APPBP2: variants seen among roughly 807,000 people sequenced by gnomAD.
APPBP2 encodes the protein amyloid protein-binding protein 2.
APPBP2 carries 15 observed loss-of-function variants against 76.0 expected under a neutral mutation model. The observed-to-expected ratio is 0.20, with a 90% CI of 0.13 to 0.30. The LOEUF is 0.30. APPBP2 is among the 10% of genes least tolerant of loss of function. The pLI is 1.00. For synonymous variants in APPBP2, 222 were observed against 242.2 expected, an observed-to-expected ratio of 0.92 and a Z score of 0.77; for missense variants, 401 against 687.2, an observed-to-expected ratio of 0.58 and a Z score of 4.66.
At chr17:60,474,122 A>G (rs765316479) in intron 4 of APPBP2, among the ~76,000 whole-genome samples, 1 of 152,082 alleles carries the variant, frequency 6.6e-6, no homozygotes, top group African/African-American at 2.4e-5. Flanking sequence ...TCTTAAAACT[A>G]TAAGGTCATG....
intron 4 of APPBP2, among the ~76,000 whole-genome samples, chr17:60,470,521 C>T (rs2090544492): frequency 6.6e-6 from 1 of 152,172 alleles, no homozygotes; most frequent in Non-Finnish European, 1.5e-5. Context: ...CTGCCTCAGC[C>T]TCCCAAAGTG....
At position 60,501,221 on chromosome 17, in the gene APPBP2, G is replaced by A. The variant is rs1322509769; in HGVS notation, c.139-734C>T. ...CAGCTATTTGGGAGGTTGAGGCAAG[G>A]GGACTGCTTGAGCCCAGGAGTTGGA... On this transcript the variant is annotated intron_variant, in intron 1 of 12. Coordinates refer to ENST00000083182, the MANE Select transcript of APPBP2 (RefSeq NM_006380.5). Among the ~76,000 whole-genome samples the A allele has an allele frequency of 2.0e-5, 3 of 152,072 alleles. No individual in the cohort carries two copies. In the South Asian group the frequency reaches 6.2e-4, roughly 32 times the overall value.
rs367646409 is a variant in APPBP2 at position 60,525,831 on chromosome 17, G to A, written c.101C>T (p.Ser34Phe). The A allele has an allele frequency of 2.5e-6, 4 of 1,613,952 alleles. No individual in the cohort carries two copies. The highest frequency in any genetic ancestry group is 3.4e-6 in the Non-Finnish European group (4 of 1,180,010). The stretch of plus-strand genomic sequence containing the variant: ...ATCAAACTGGATGTTCTCGGGCAAG[G>A]AGCGGATGTCTCGGCGGGAGCGGAT... ...NYIRSRRDIR[S>F]LPENIQFDVY... The change falls in exon 1 of 13, where the codon TCC becomes TTC. Residue 34 changes from serine (S) to phenylalanine (F), a missense_variant. Around this residue, in one of 5 missense-constraint regions of APPBP2, gnomAD observed 149 missense variants for 198.4 expected, o/e 0.75. Coordinates refer to ENST00000083182, the MANE Select transcript of APPBP2 (RefSeq NM_006380.5).
intron 1 of APPBP2, among the ~76,000 whole-genome samples, chr17:60,524,585 A>G (rs775761679): frequency 2.8e-4 from 41 of 147,720 alleles, no homozygotes; most frequent in Non-Finnish European, 5.1e-4. Flanking sequence ...ATTTAGTAGA[A>G]CGCAGCCCAT....
At chr17:60,487,252 G>T (rs1019028105) in intron 3 of APPBP2, among the ~76,000 whole-genome samples, 4 of 152,144 alleles carry the variant, frequency 2.6e-5, no homozygotes, top group Non-Finnish European at 4.4e-5. Flanking sequence ...GCCTTGCTAG[G>T]TTGGGGAAGT....
chr17:60,483,100 A>AT (rs886404836), intron 3 of APPBP2, among the ~76,000 whole-genome samples: 2 of 152,016 alleles, frequency 1.3e-5, no homozygotes, highest in Non-Finnish European at 2.9e-5. Context: ...CTGTTTCCTG[A>AT]TTTTTTAATG....
intron 3 of APPBP2, among the ~76,000 whole-genome samples, chr17:60,486,207 T>C (rs776655318): frequency 2.6e-5 from 4 of 152,220 alleles, no homozygotes; most frequent in African/African-American, 4.8e-5. Flanking sequence ...TAGATGTCTA[T>C]TAGGTCTGCT....
chr17:60,497,105 T>C (rs1284754729), intron 2 of APPBP2, among the ~76,000 whole-genome samples: 1 of 152,194 alleles, frequency 6.6e-6, no homozygotes, highest in Non-Finnish European at 1.5e-5. Context: ...CTCACTGCTA[T>C]GGCCCCAGCA....
At chr17:60,495,811 A>G (rs1436091400) in intron 2 of APPBP2, among the ~76,000 whole-genome samples, 1 of 152,208 alleles carries the variant, frequency 6.6e-6, no homozygotes, top group Non-Finnish European at 1.5e-5. Flanking sequence ...TTGAGACTAT[A>G]TACACACAAA....
At chr17:60,520,320 C>T (rs2090998406) in intron 1 of APPBP2, among the ~76,000 whole-genome samples, 1 of 152,036 alleles carries the variant, frequency 6.6e-6, no homozygotes. Context: ...CTCCTGTAAT[C>T]CCAGCACTTC....
intron 9 of APPBP2, 108 bp downstream of exon 9, chr17:60,460,555 A>G (rs1567920612): frequency 2.7e-6 from 3 of 1,095,180 alleles, no homozygotes; most frequent in Non-Finnish European, 3.7e-6. Context: ...CAATCCATAA[A>G]GTATATCAAG....
chr17:60,500,799 A>C (rs920614850), intron 1 of APPBP2, among the ~76,000 whole-genome samples: 2 of 152,200 alleles, frequency 1.3e-5, no homozygotes, highest in African/African-American at 4.8e-5. Context: ...ACTTAAACAA[A>C]ACTGGAGAGT....
intron 3 of APPBP2, among the ~76,000 whole-genome samples, chr17:60,492,553 G>A (rs1241109778): frequency 1.3e-5 from 2 of 152,204 alleles, no homozygotes; most frequent in African/African-American, 4.8e-5. Context: ...AGCATGACCT[G>A]GATGTGAGAC....
chr17:60,478,157 A>G (rs2090604196), intron 4 of APPBP2, among the ~76,000 whole-genome samples: 1 of 152,102 alleles, frequency 6.6e-6, no homozygotes, highest in Admixed American at 6.6e-5. Context: ...AATTGATTGG[A>G]CTTTAGTTAC....
intron 1 of APPBP2, among the ~76,000 whole-genome samples, chr17:60,509,150 G>C (rs1217688353): frequency 6.6e-6 from 1 of 152,086 alleles, no homozygotes; most frequent in East Asian, 1.9e-4. Context: ...GGGAGGCTGA[G>C]GCAGGTGGAT....
intron 6 of APPBP2, chr17:60,462,427 T>C: frequency 1.1e-5 from 2 of 179,652 alleles, no homozygotes. Flanking sequence ...AGTCCTGGAG[T>C]GGCTGACAAC....
In APPBP2 at chr17:60,447,066, T is replaced by TG. The variant is rs1487699568; in HGVS notation, c.*514_*515insC. 1 of 153,064 alleles carries TG rather than the reference T, an allele frequency of 6.5e-6. No homozygotes were observed. The highest frequency in any genetic ancestry group is 1.5e-5 in the Non-Finnish European group (1 of 68,352). 9.5% of individuals were successfully genotyped at this position (153,064 alleles called of 1,614,324 possible). On this transcript the variant is annotated 3_prime_UTR_variant, in exon 13 of 13. Coordinates refer to ENST00000083182, the MANE Select transcript of APPBP2 (RefSeq NM_006380.5). ...CTTATCTGGGCAAGGTAGAAAAACG[T>TG]AAGTCGGGATGTCCCTCTTTTATTA...
chr17:60,498,128 CAA>C (rs796092297), intron 2 of APPBP2, among the ~76,000 whole-genome samples: 7 of 129,850 alleles, frequency 5.4e-5, no homozygotes, highest in Admixed American at 2.3e-4. Context: ...ACCCTGGCTC[CAA>C]AAAAAAAAAA....
chr17:60,515,447 T>C (rs1028273464), intron 1 of APPBP2, among the ~76,000 whole-genome samples: 9 of 152,170 alleles, frequency 5.9e-5, no homozygotes, highest in South Asian at 2.1e-4. Context: ...AAGTATAACA[T>C]GCATACAGAA....
Sources: gnomAD v4.1 joint callset for allele counts (sites outside exome capture counted in the v4.1 genomes callset) on GRCh38, gnomAD v4.1.1 for gene constraint, gnomAD v4.1.1 regional missense constraint, MANE v1.5 for transcripts, NCBI Gene and HGNC (gene_info 2026-07-23, HGNC 2026-07-21) for gene names.